Variants in TNS3 observed in about 807,000 individuals in gnomAD.
The protein encoded by TNS3 is tensin-3.
A neutral mutation model predicts 140.9 loss-of-function variants in TNS3; 45 were observed. The ratio of observed to expected loss-of-function variants is 0.32; its 90% CI spans 0.25 to 0.41. TNS3 has a LOEUF of 0.41. TNS3 is among the 10% of genes least tolerant of loss of function. The pLI, the probability that TNS3 is intolerant of heterozygous loss-of-function variation, is 1.00. For synonymous variants in TNS3, 815 were observed against 788.4 expected (o/e 1.03, Z -0.56); for missense variants, 1,716 against 1,906.7 (o/e 0.90, Z 1.86).
At position 47,500,477 on chromosome 7, in the gene TNS3, A is replaced by T. The variant is rs572481254; in HGVS notation, c.-115+6430T>A. On this transcript the variant is annotated intron_variant, in intron 3 of 30. Transcript: ENST00000311160. ...TGTCACCTGTAAGAGGGAGCAGAAC[A>T]AGCCTCCTCAGACAGAAGTGTGACG... 3.2e-4 allele frequency among the ~76,000 whole-genome samples: 49 copies of T among 152,346 alleles called. 1 individual carries two copies. In the Middle Eastern group the frequency reaches 0.01, roughly 32 times the overall value.
intron 20 of TNS3, among the ~76,000 whole-genome samples, chr7:47,324,408 T>C (rs2150869363): frequency 6.6e-6 from 1 of 152,362 alleles, no homozygotes; most frequent in East Asian, 1.9e-4. Flanking sequence ...GACATTGTCT[T>C]CCTATCCACA....
At position 47,352,004 on chromosome 7, in the gene TNS3, G is replaced by A. The variant is rs187910588; in HGVS notation, c.2282-5648C>T. 5.3e-5 allele frequency among the ~76,000 whole-genome samples: 8 copies of A among 152,098 alleles called. No individual in the cohort carries two copies. In the East Asian group the frequency reaches 5.8e-4, roughly 11 times the overall value. On this transcript the variant is annotated intron_variant, in intron 17 of 30. Transcript: ENST00000311160. The stretch of plus-strand genomic sequence containing the variant: ...CACATGTATGAACACTCACTCTCAC[G>A]TGGTCTCTTACACACATTTTCTCAT...
At position 47,385,735 on chromosome 7, in the gene TNS3, C is replaced by T. The variant is rs1792036582; in HGVS notation, c.1024+11065G>A. On this transcript the variant is annotated intron_variant, in intron 16 of 30. Transcript: ENST00000311160. ...ATGGTTTCCTCGCAGCCTCTTCCCA[C>T]CCTCAGGAAAGCACCCATAGTGCCC... Among the ~76,000 whole-genome samples, 6 of 152,344 alleles carry T rather than the reference C, an allele frequency of 3.9e-5. No individual in the cohort carries two copies. In the South Asian group the frequency reaches 1.2e-3, roughly 32 times the overall value.
At chr7:47,503,516 C>T (rs879779877) in intron 3 of TNS3, among the ~76,000 whole-genome samples, 1 of 152,116 alleles carries the variant, frequency 6.6e-6, no homozygotes, top group Non-Finnish European at 1.5e-5. Flanking sequence ...CATGAATAAG[C>T]ACTGCATTCC....
In TNS3 at chr7:47,435,374, C is replaced by T; in HGVS notation, c.232G>A (p.Ala78Thr). 1 of 1,613,936 alleles carries T rather than the reference C, an allele frequency of 6.2e-7. No individual in the cohort carries two copies. Among genetic ancestry groups the T allele is most frequent in the Non-Finnish European group, 8.5e-7 (1 of 1,179,996 alleles). ...IMDVGWPELH[A>T]PPLDKMCTIC... ...GTACACATCTTATCCAGGGGCGGTG[C>T]GTGGAGCTCTGGCCAGCCCACATCC... The change falls in exon 8 of 31, where the codon GCA becomes ACA. Residue 78 changes from alanine (A) to threonine (T), a missense_variant. Ala to Thr is a moderately conservative substitution (Grantham distance 58). Coordinates refer to ENST00000311160, the MANE Select transcript of TNS3 (RefSeq NM_022748.12).
At chr7:47,424,290 C>T in intron 9 of TNS3, 106 bp from the exon 10 acceptor site, 1 of 1,039,632 alleles carries the variant, frequency 9.6e-7, no homozygotes, top group Non-Finnish European at 1.4e-6. Context: ...CCAGCTCCCA[C>T]AAGGGGCTTC....
intron 3 of TNS3, among the ~76,000 whole-genome samples, chr7:47,487,366 A>T (rs1402360564): frequency 6.6e-6 from 1 of 151,602 alleles, no homozygotes; most frequent in African/African-American, 2.4e-5. Flanking sequence ...CGGCAGCTAC[A>T]GGGAAAGCCT....
chr7:47,395,955 C>T (rs1286486551), intron 16 of TNS3, among the ~76,000 whole-genome samples: 1 of 152,228 alleles, frequency 6.6e-6, no homozygotes, highest in Non-Finnish European at 1.5e-5. Flanking sequence ...TAACCACAGA[C>T]ACCCCCTTCC....
Position 47,522,990 on chromosome 7 carries a change from T to C in TNS3, c.-153+6046A>G, listed in dbSNP as rs573931211. 1.2e-4 allele frequency among the ~76,000 whole-genome samples: 19 copies of C among 152,032 alleles called. 1 individual carries two copies. In the South Asian group the frequency reaches 3.9e-3, roughly 32 times the overall value. On this transcript the variant is annotated intron_variant, in intron 2 of 30. Transcript: ENST00000311160. ...TCCTAGAGCTATGTGCATAAAAACA[T>C]GATGTCTCCTCCAGTTTGGGCTACT...
intron 2 of TNS3, among the ~76,000 whole-genome samples, chr7:47,526,890 C>T (rs959148947): frequency 8.5e-5 from 13 of 152,324 alleles, no homozygotes; most frequent in African/African-American, 2.6e-4. Flanking sequence ...CTTTCCTTTT[C>T]CTTCTTTTCA....
At chr7:47,539,744 G>A (rs1317494601) in intron 1 of TNS3, 4 of 153,618 alleles carry the variant, frequency 2.6e-5, no homozygotes, top group South Asian at 2.1e-4. Context: ...CATAAGTCTT[G>A]TACCTCCAAT....
chr7:47,330,757 C>T (rs1034861094), intron 20 of TNS3, among the ~76,000 whole-genome samples: 17 of 152,032 alleles, frequency 1.1e-4, no homozygotes, highest in Admixed American at 1.0e-3. Flanking sequence ...CTGGGGCGCC[C>T]AGAGAAGACA....
At chr7:47,339,428 C>T (rs984530796) in intron 20 of TNS3, among the ~76,000 whole-genome samples, 11 of 152,100 alleles carry the variant, frequency 7.2e-5, no homozygotes, top group East Asian at 3.9e-4. Flanking sequence ...CAGGTGCCCC[C>T]GCATCATTTG....
intron 20 of TNS3, among the ~76,000 whole-genome samples, chr7:47,305,832 A>G (rs989153323): frequency 6.6e-6 from 1 of 152,254 alleles, no homozygotes; most frequent in African/African-American, 2.4e-5. Flanking sequence ...TACCATGGTC[A>G]GTAAAATAAT....
intron 2 of TNS3, among the ~76,000 whole-genome samples, chr7:47,508,474 C>T (rs1469627052): frequency 6.6e-6 from 1 of 152,188 alleles, no homozygotes; most frequent in African/African-American, 2.4e-5. Context: ...GAAACCATCC[C>T]CAGCAGAGGC....
At chr7:47,366,367 A>T (rs1203664597) in intron 17 of TNS3, among the ~76,000 whole-genome samples, 4 of 152,180 alleles carry the variant, frequency 2.6e-5, no homozygotes, top group Non-Finnish European at 5.9e-5. Flanking sequence ...GGAGTTACTC[A>T]GGCAAGCTGG....
At chr7:47,343,086 A>G (rs1414333604) in intron 20 of TNS3, among the ~76,000 whole-genome samples, 1 of 152,238 alleles carries the variant, frequency 6.6e-6, no homozygotes, top group Non-Finnish European at 1.5e-5. Context: ...CTGTGTGAAT[A>G]TGTACATGCA....
intron 1 of TNS3, among the ~76,000 whole-genome samples, chr7:47,543,454 G>A (rs192788507): frequency 2.0e-4 from 31 of 152,338 alleles, no homozygotes; most frequent in African/African-American, 4.8e-4. Context: ...CAGTCCCTGC[G>A]GTGAGGGGGC....
At chr7:47,294,653 G>C (rs957734449) in intron 24 of TNS3, among the ~76,000 whole-genome samples, 2 of 152,162 alleles carry the variant, frequency 1.3e-5, no homozygotes, top group African/African-American at 4.8e-5. Context: ...CACTGGAGTT[G>C]GGCTTGGTCC....
Sources: gnomAD v4.1 joint callset for allele counts (sites outside exome capture counted in the v4.1 genomes callset) on GRCh38, gnomAD v4.1.1 for gene constraint, MANE v1.5 for transcripts, NCBI Gene and HGNC (gene_info 2026-07-23, HGNC 2026-07-21) for gene names.